The following PLXND1 variants were observed in gnomAD, a reference collection of about 807,000 sequenced individuals.
PLXND1 encodes plexin-D1.
Under a neutral mutation model 197.7 loss-of-function variants are expected in PLXND1, and 54 were observed. The ratio of observed to expected loss-of-function variants is 0.27; its 90% CI spans 0.22 to 0.34. The LOEUF (loss-of-function observed/expected upper bound fraction) is 0.34. PLXND1 is among the 10% of genes least tolerant of loss of function. PLXND1 has a pLI of 1.00. For missense variants in PLXND1, 2,127 were observed against 2,699.2 expected (o/e 0.79, Z 4.70); for synonymous variants, 1,180 against 1,161.2 (o/e 1.02, Z -0.33).
rs2085329621 is a variant in PLXND1, at chr3:129,577,468, G to A, written c.2346+861C>T. Among the ~76,000 whole-genome samples, 1 of 148,372 alleles carries A rather than the reference G, an allele frequency of 6.7e-6. No individual in the cohort carries two copies. The highest frequency in any genetic ancestry group is 2.1e-4 in the South Asian group (1 of 4,698). On this transcript the variant is annotated intron_variant, in intron 9 of 35. Coordinates refer to ENST00000324093, the MANE Select transcript of PLXND1 (RefSeq NM_015103.3). This position sits in a 1 kb window ranked among gnomAD's most constrained non-coding sequence, Gnocchi z 5.0. ...CCCCAACTCCTGCAGGGTGGGGCTT[G>A]AGGGCTGAGGGCAGGCCCCACCCTA...
chr3:129,573,535 G>A (rs977460394), intron 13 of PLXND1, 59 bp downstream of exon 13: 2 of 1,503,348 alleles, frequency 1.3e-6, no homozygotes, highest in African/African-American at 1.4e-5. Flanking sequence ...GGAGTGAGGA[G>A]GACAGAGCAG....
In PLXND1 at chr3:129,586,635, A is replaced by G. The variant is rs1273789542; in HGVS notation, c.1573T>C (p.Phe525Leu). ...AGGTAACCGGAGTCTGCTGGGTCAA[A>G]CTGCATGACATGGTGCACGGGCTCC... ...YGEPVHHVMQFDPADSGYLYL... is the reference protein window; with the variant it reads ...YGEPVHHVMQLDPADSGYLYL... The change falls in exon 3 of 36, where the codon TTT becomes CTT. Residue 525 changes from phenylalanine (F) to leucine (L), a missense_variant. Physicochemically the swap from Phe to Leu is conservative, Grantham distance 22. Coordinates refer to ENST00000324093, the MANE Select transcript of PLXND1 (RefSeq NM_015103.3). 12 of 1,579,258 alleles carry G rather than the reference A, an allele frequency of 7.6e-6. No homozygotes were observed. The highest frequency in any genetic ancestry group is 1.0e-5 in the Non-Finnish European group (12 of 1,162,096).
At chr3:129,575,712 A>G (rs1243167997) in intron 10 of PLXND1, 54 bp downstream of exon 10, 61 of 1,354,656 alleles carry the variant, frequency 4.5e-5, no homozygotes, top group Middle Eastern at 1.8e-4. Context: ...GGGGTACAGC[A>G]TCTGGACTTA....
chr3:129,586,295 A>C (rs770532043), intron 3 of PLXND1, 23 bp from the exon 4 acceptor site: 14 of 1,516,880 alleles, frequency 9.2e-6, no homozygotes, highest in Admixed American at 5.6e-5. Context: ...GTGGGGGCCC[A>C]GCTCAATGGG....
intron 1 of PLXND1, among the ~76,000 whole-genome samples, chr3:129,602,942 G>T (rs1468837301): frequency 6.6e-6 from 1 of 152,208 alleles, no homozygotes; most frequent in African/African-American, 2.4e-5. Context: ...ACACAGCTGG[G>T]AAGTGACAAA....
At chr3:129,556,727 G>T (rs1445128732) in intron 34 of PLXND1, 36 bp from the exon 35 acceptor site, 1 of 1,486,536 alleles carries the variant, frequency 6.7e-7, no homozygotes, top group Admixed American at 1.8e-5. Context: ...GGTTAGCCCA[G>T]CGGTCAAAGC....
In PLXND1 at chr3:129,562,772, C is replaced by T. The variant is rs1260509453; in HGVS notation, c.4825+15G>A. 1.9e-6 allele frequency: 3 copies of T among 1,585,202 alleles called. No individual in the cohort carries two copies. Among genetic ancestry groups the T allele is most frequent in the Admixed American group, 1.7e-5 (1 of 59,228 alleles). ...AAGCGCCTGACACGGGGTCTCTGCC[C>T]CCATTCCCACCCACCAAGGTCGACG... On this transcript the variant is annotated intron_variant, in intron 27 of 35. Transcript: ENST00000324093.
rs1466199787 is a variant in PLXND1, at chr3:129,584,485, G to T, written c.1929C>A (p.Ile643=). 1.2e-6 allele frequency: 2 copies of T among 1,613,918 alleles called. No individual in the cohort carries two copies. Among genetic ancestry groups the T allele is most frequent in the Non-Finnish European group, 8.5e-7 (1 of 1,180,002 alleles). ...GGCCTGGGACCCGAGCCACAGTGCG[G>T]ATGTTGTTCCCATAGTCACAGGCCA... The part of the protein sequence containing the change: ...MEMACDYGNN[I]RTVARVPGPA... Residue 643 remains isoleucine (I), a synonymous_variant, in exon 6 of 36, where the codon ATC becomes ATA. Transcript: ENST00000324093.
chr3:129,578,887 A>G (rs1481345535), intron 8 of PLXND1, among the ~76,000 whole-genome samples: 4 of 152,194 alleles, frequency 2.6e-5, no homozygotes, highest in African/African-American at 9.7e-5. Context: ...CAGAAAAGAG[A>G]AACCTTGGGC....
intron 27 of PLXND1, chr3:129,562,478 C>T (rs148974874): frequency 8.7e-4 from 254 of 291,152 alleles, no homozygotes; most frequent in African/African-American, 5.2e-3. Context: ...CCACTGCACT[C>T]CAGCCTGGGT....
rs1055911650 is a variant in PLXND1, at chr3:129,577,771, C to T, written c.2346+558G>A. ...GGGCGGGGCTAGTTGCAAAGACGAG[C>T]ACTGGTTGGGGAGTCCAGAGCTAAG... is the stretch of plus-strand genomic sequence containing the variant. On this transcript the variant is annotated intron_variant, in intron 9 of 35. Coordinates refer to ENST00000324093, the MANE Select transcript of PLXND1 (RefSeq NM_015103.3). This position sits in a 1 kb window ranked among gnomAD's most constrained non-coding sequence, Gnocchi z 5.0. Among the ~76,000 whole-genome samples the T allele has an allele frequency of 6.6e-6, 1 of 152,212 alleles. No homozygotes were observed. The highest frequency in any genetic ancestry group is 2.4e-5 in the African/African-American group (1 of 41,444).
At chr3:129,604,149 C>T (rs889533535) in intron 1 of PLXND1, among the ~76,000 whole-genome samples, 1 of 152,170 alleles carries the variant, frequency 6.6e-6, no homozygotes, top group African/African-American at 2.4e-5. Flanking sequence ...CTGCCCAACC[C>T]AGCCTCAGAC....
intron 27 of PLXND1, 37 bp downstream of exon 27, chr3:129,562,750 C>T (rs759001590): frequency 4.5e-6 from 7 of 1,565,470 alleles, no homozygotes; most frequent in East Asian, 4.6e-5. Flanking sequence ...CCGGCTGAAG[C>T]GCCTGACACG....
chr3:129,581,586 A>C (rs2085388585), intron 8 of PLXND1, among the ~76,000 whole-genome samples: 1 of 152,238 alleles, frequency 6.6e-6, no homozygotes, highest in Non-Finnish European at 1.5e-5. Context: ...TGCCAAGTAT[A>C]GAGTTGGTAT....
intron 1 of PLXND1, among the ~76,000 whole-genome samples, chr3:129,602,465 A>G (rs1560085542): frequency 6.6e-6 from 1 of 151,858 alleles, no homozygotes; most frequent in Non-Finnish European, 1.5e-5. Context: ...CTCCACCCTC[A>G]TTCTCCCTTT....
At position 129,559,805 on chromosome 3, in the gene PLXND1, G is replaced by T. The variant is rs772863075; in HGVS notation, c.5134-22C>A. On this transcript the variant is annotated intron_variant, in intron 31 of 35. Coordinates refer to ENST00000324093, the MANE Select transcript of PLXND1 (RefSeq NM_015103.3). ...TGCCCTGCGGGGGAGTGGGGTGGCCGCCGTCAGCCCCGGGCCACGTGCAGA... is the reference window on the plus strand; with the variant it reads ...TGCCCTGCGGGGGAGTGGGGTGGCCTCCGTCAGCCCCGGGCCACGTGCAGA... The T allele has an allele frequency of 9.6e-6, 15 of 1,567,626 alleles. No individual in the cohort carries two copies. In the South Asian group the frequency reaches 1.8e-4, roughly 19 times the overall value.
Position 129,562,818 on chromosome 3 carries a change from G to C in PLXND1, c.4794C>G (p.Ser1598=), listed in dbSNP as rs372232670. The change falls in exon 27 of 36, where the codon TCC becomes TCG. Residue 1598 remains serine, a synonymous_variant. Coordinates refer to ENST00000324093, the MANE Select transcript of PLXND1 (RefSeq NM_015103.3). ...LEAFCKNVPY[S]QWPRAEDVDL... Reference sequence around the variant, plus strand: ...CGACGTCCTCTGCACGCGGCCACTGGGAGTAGGGCACATTCTTGCAGAAGG... The same window carrying C: ...CGACGTCCTCTGCACGCGGCCACTGCGAGTAGGGCACATTCTTGCAGAAGG... The C allele has an allele frequency of 9.3e-6, 15 of 1,606,084 alleles. No homozygotes were observed. The highest frequency in any genetic ancestry group is 7.7e-5 in the South Asian group (7 of 90,890).
Position 129,574,436 on chromosome 3 carries a change from C to A in PLXND1, c.2585G>T (p.Arg862Leu). 1 of 1,613,086 alleles carries A rather than the reference C, an allele frequency of 6.2e-7. No individual in the cohort carries two copies. Among genetic ancestry groups the A allele is most frequent in the Non-Finnish European group, 8.5e-7 (1 of 1,179,916 alleles). ...GSPDCSQCLG[R>L]EDLGHLCMWS... is the part of the protein sequence containing the mutation. ...CATGCACAGGTGACCCAGGTCTTCG[C>A]GGCCCAGGCACTGGGAACAGTCGGG... is the stretch of plus-strand genomic sequence containing the variant. Residue 862 changes from arginine to leucine, a missense_variant, in exon 12 of 36, where the codon CGC becomes CTC. Arg to Leu is a moderately radical substitution (Grantham distance 102, BLOSUM62 -2). This residue lies in a region of PLXND1 where 1,095 missense variants were observed against 1,259.8 expected (regional missense o/e 0.87). Transcript: ENST00000324093.
intron 8 of PLXND1, among the ~76,000 whole-genome samples, chr3:129,582,107 C>T (rs1024434395): frequency 6.6e-6 from 1 of 152,262 alleles, no homozygotes; most frequent in African/African-American, 2.4e-5. Context: ...TGCTGGAAGC[C>T]CCCTGCTGCC....
Sources: allele counts gnomAD v4.1 joint callset (sites outside exome capture counted in the v4.1 genomes callset), GRCh38; gene constraint gnomAD v4.1.1; regional missense constraint gnomAD v4.1.1; non-coding constraint Gnocchi (gnomAD v3.1); transcripts MANE v1.5; gene names NCBI Gene and HGNC (gene_info 2026-07-23, HGNC 2026-07-21).